Variants in CPSF1 observed in about 807,000 individuals in gnomAD.
CPSF1 encodes the protein cleavage and polyadenylation specificity factor subunit 1.
CPSF1 carries 106 observed loss-of-function variants against 175.8 expected under a neutral mutation model. The observed-to-expected ratio is 0.60, with a 90% CI of 0.52 to 0.71. The LOEUF (loss-of-function observed/expected upper bound fraction) is 0.71. Ranked by LOEUF, CPSF1 falls within the 30% of genes least tolerant of loss-of-function variation. The pLI, the probability that CPSF1 is intolerant of heterozygous loss-of-function variation, is 0.00. For synonymous variants in CPSF1, 1,024 were observed against 858.3 expected (o/e 1.19, Z -3.37); for missense variants, 1,734 against 2,022.9 (o/e 0.86, Z 2.74).
chr8:144,400,135 G>GGGGGCCGCCCCCCCCCCCCCCCAC, intron 9 of CPSF1, 31 bp downstream of exon 9: 1 of 896,012 alleles, frequency 1.1e-6, no homozygotes, highest in Non-Finnish European at 1.6e-6. Flanking sequence ...CCGTCCCCGG[G>GGGGGCCGCCCCCCCCCCCCCCCAC]CCCCCCCCGC....
At chr8:144,393,625 GGGGT>G (rs1820484004) in intron 36 of CPSF1, 35 bp from the exon 37 acceptor site, 2 of 1,588,268 alleles carry the variant, frequency 1.3e-6, no homozygotes, top group African/African-American at 1.3e-5. Context: ...AGGGCAGGCT[GGGGT>G]GGAGGGGGTG....
chr8:144,399,229 C>T lies in CPSF1; in HGVS notation c.1393-27G>A, dbSNP rs2116860619. 19 of 1,611,458 alleles carry T rather than the reference C, an allele frequency of 1.2e-5. No individual in the cohort carries two copies. In the East Asian group the frequency reaches 1.8e-4, roughly 15 times the overall value. On this transcript the variant is annotated intron_variant, in intron 14 of 37. Coordinates refer to ENST00000616140, the MANE Select transcript of CPSF1 (RefSeq NM_013291.3). This position sits in a 1 kb window ranked among gnomAD's most constrained non-coding sequence, Gnocchi z 6.4. ...TGCGGCACAGCAAGAGTCAGGGGCC[C>T]GCTGGGGGCGCTGGCTGGGACGGGG...
Position 144,397,616 on chromosome 8 carries a change from G to A in CPSF1, c.2256C>T (p.Gly752=). 1.3e-6 allele frequency: 2 copies of A among 1,534,540 alleles called. No individual in the cohort carries two copies. Among genetic ancestry groups the A allele is most frequent in the Non-Finnish European group, 1.8e-6 (2 of 1,136,812 alleles). Residue 752 remains glycine (G), a synonymous_variant, in exon 22 of 38, where the codon GGC becomes GGT. Coordinates refer to ENST00000616140, the MANE Select transcript of CPSF1 (RefSeq NM_013291.3). The part of the protein sequence containing the change: ...DEEEMLYGDS[G]SLFSPSKEEA... ...CCTCCTTGCTGGGGCTGAAGAGGGA[G>A]CCCGAATCCCCATACAGCATCTCCT...
chr8:144,400,064 A>T lies in CPSF1; in HGVS notation c.959T>A (p.Ile320Asn), dbSNP rs1251236382. Reference protein sequence around the residue: ...FPLRTQEGVRITLDCAQATFI... With the variant: ...FPLRTQEGVRNTLDCAQATFI... ...GGTGGCCTGGGCGCAGTCCAGGGTG[A>T]TCCGCACACCCTCCTGGGTGCCTGT... The change falls in exon 10 of 38, where the codon ATC (isoleucine) becomes AAC (asparagine). Residue 320 changes from isoleucine to asparagine, a missense_variant. Transcript: ENST00000616140. 60 of 1,604,520 alleles carry T rather than the reference A, an allele frequency of 3.7e-5. No individual in the cohort carries two copies. The highest frequency in any genetic ancestry group is 5.0e-5 in the Non-Finnish European group (59 of 1,178,478).
rs2116866303 is a variant in CPSF1 at position 144,399,795 on chromosome 8, C to T, written c.1105G>A (p.Val369Ile). The change falls in exon 11 of 38, where the codon GTC becomes ATC. Residue 369 changes from valine (V) to isoleucine (I), a missense_variant. Transcript: ENST00000616140. The surrounding 1 kb of genome is among the most constrained non-coding windows in gnomAD (Gnocchi z 6.4). ...AFHFDKAAAS[V>I]LTTSMVTMEP... The stretch of plus-strand genomic sequence containing the variant: ...TCCCAACTCACGCTGGTGGTGAGGA[C>T]GCTGGCGGCCGCCTTGTCAAAGTGG... 1.9e-5 allele frequency: 30 copies of T among 1,564,940 alleles called. No homozygotes were observed. Among genetic ancestry groups the T allele is most frequent in the Non-Finnish European group, 2.1e-5 (24 of 1,155,352 alleles).
chr8:144,401,131 C>A, intron 5 of CPSF1, 56 bp from the exon 6 acceptor site: 1 of 1,451,456 alleles, frequency 6.9e-7, no homozygotes. Context: ...GAGGGAAACA[C>A]TTGGGGCCAC....
At chr8:144,408,813 A>G (rs1254445899) in intron 2 of CPSF1, among the ~76,000 whole-genome samples, 1 of 152,152 alleles carries the variant, frequency 6.6e-6, no homozygotes, top group Non-Finnish European at 1.5e-5. Context: ...CCGGTGGGGT[A>G]GGAAGGGAGG....
intron 2 of CPSF1, among the ~76,000 whole-genome samples, chr8:144,403,674 T>C (rs1821343373): frequency 6.7e-6 from 1 of 149,432 alleles, no homozygotes; most frequent in Non-Finnish European, 1.5e-5. Flanking sequence ...TGCCTCAGCC[T>C]CCCAAGTAGC....
chr8:144,400,602 A>C, intron 7 of CPSF1, 69 bp downstream of exon 7: 2 of 1,596,410 alleles, frequency 1.3e-6, no homozygotes, highest in Non-Finnish European at 1.7e-6. Flanking sequence ...CCTAAACCCC[A>C]TGGGCCCCAC....
At position 144,393,371 on chromosome 8, in the gene CPSF1, G is replaced by A. The variant is rs1165562642; in HGVS notation, c.4285-6C>T. 18 of 1,451,008 alleles carry A rather than the reference G, an allele frequency of 1.2e-5. No individual in the cohort carries two copies. The highest frequency in any genetic ancestry group is 1.7e-5 in the Non-Finnish European group (18 of 1,080,968). 89.9% of individuals were successfully genotyped at this position (1,451,008 alleles called of 1,614,324 possible). On this transcript the variant is annotated splice_region_variant and splice_polypyrimidine_tract_variant and intron_variant, in intron 37 of 37. Coordinates refer to ENST00000616140, the MANE Select transcript of CPSF1 (RefSeq NM_013291.3). ...TCCAGCAAGTCGTCCAGGATCTGCA[G>A]GGGATGGAAGGGTGGGTGGGTGGGT...
chr8:144,395,940 G>A (rs903127795), intron 26 of CPSF1: 3 of 397,984 alleles, frequency 7.5e-6, no homozygotes, highest in African/African-American at 6.0e-5. Context: ...CCGCATCCCA[G>A]GCAGGGTCTC....
chr8:144,397,122 G>C (rs1204113340), intron 23 of CPSF1, 85 bp downstream of exon 23: 10 of 1,276,112 alleles, frequency 7.8e-6, no homozygotes, highest in Middle Eastern at 2.7e-4. Flanking sequence ...AGATGGGGTG[G>C]AGCCACGGGA....
At chr8:144,400,559 CG>C in intron 7 of CPSF1, 66 bp from the exon 8 acceptor site, 1 of 1,607,458 alleles carries the variant, frequency 6.2e-7, no homozygotes, top group South Asian at 1.1e-5. Context: ...CAGCTCCTCC[CG>C]AGCAAGCCCC....
Position 144,399,397 on chromosome 8 carries a change from G to A in CPSF1, c.1295-24C>T. Reference sequence around the variant, plus strand: ...AGCTGCACACAGAGAGCCCACTTGAGCGCAGCCCTGGGTCACCTGGCCCCG... The same window carrying A: ...AGCTGCACACAGAGAGCCCACTTGAACGCAGCCCTGGGTCACCTGGCCCCG... On this transcript the variant is annotated intron_variant, in intron 13 of 37. Transcript: ENST00000616140. This position sits in a 1 kb window ranked among gnomAD's most constrained non-coding sequence, Gnocchi z 6.4. 6.2e-7 allele frequency: 1 copy of A among 1,612,840 alleles called. No homozygotes were observed. The highest frequency in any genetic ancestry group is 8.5e-7 in the Non-Finnish European group (1 of 1,179,944).
intron 18 of CPSF1, 27 bp from the exon 19 acceptor site, chr8:144,398,470 G>A (rs2116850145): frequency 3.7e-6 from 6 of 1,612,554 alleles, no homozygotes; most frequent in East Asian, 2.2e-5. Context: ...TGAGGGAGGC[G>A]CCCCCCGCAG....
In CPSF1 at chr8:144,408,870, C is replaced by T; in HGVS notation, c.144+145G>A. On this transcript the variant is annotated intron_variant, in intron 2 of 37. Transcript: ENST00000616140. ...AGAAAGGATCTGAGCACAAGAGATT[C>T]AGGGTCATGTCCTGGCTCCTCAGGC... 4.2e-6 allele frequency: 4 copies of T among 951,666 alleles called. No individual in the cohort carries two copies. The South Asian group carries it at 4.9e-5, about 12-fold the overall frequency. The allele number at this position is 951,666 out of a possible 1,614,324, so 59.0% of individuals were successfully genotyped here. A position where few individuals can be genotyped will look rare whatever the true frequency, so the allele number is the denominator to read the frequency against.
In CPSF1 at chr8:144,398,579, G is replaced by A. The variant is rs2116852611; in HGVS notation, c.1698C>T (p.Asp566=). ...GGAATCCGTGTCTGCGGCCGTCGTCGTCTGCTTCAGGGGTGGTGCTGGGTT... is the reference window on the plus strand; with the variant it reads ...GGAATCCGTGTCTGCGGCCGTCGTCATCTGCTTCAGGGGTGGTGCTGGGTT... ...EQEPSTTPEA[D]DDGRRHGFLI... The change falls in exon 18 of 38, where the codon GAC becomes GAT. Residue 566 remains aspartate (D), a synonymous_variant. Coordinates refer to ENST00000616140, the MANE Select transcript of CPSF1 (RefSeq NM_013291.3). 28 of 1,613,766 alleles carry A rather than the reference G, an allele frequency of 1.7e-5. No homozygotes were observed. The highest frequency in any genetic ancestry group is 3.3e-5 in the Admixed American group (2 of 59,992).
intron 22 of CPSF1, 30 bp downstream of exon 22, chr8:144,397,457 C>T (rs200366710): frequency 4.3e-5 from 68 of 1,589,188 alleles, no homozygotes; most frequent in Middle Eastern, 3.3e-4. Flanking sequence ...GGGTGGAACC[C>T]GCTGGGCCAC....
At position 144,405,053 on chromosome 8, in the gene CPSF1, AAGAG is replaced by A. The variant is rs1265391407; in HGVS notation, c.145-3384_145-3381del. ...GAGCGAGACTCCGTCTAAAAAAAAA[AAGAG>A]AAAGAAAGAAAGAAAAAAAAACCTT... is the stretch of plus-strand genomic sequence containing the variant. On this transcript the variant is annotated intron_variant, in intron 2 of 37. Coordinates refer to ENST00000616140, the MANE Select transcript of CPSF1 (RefSeq NM_013291.3). 1.7e-4 allele frequency among the ~76,000 whole-genome samples: 13 copies of A among 74,300 alleles called. No individual in the cohort carries two copies. The Admixed American group carries it at 2.1e-3, about 12-fold the overall frequency. 48.7% of individuals were successfully genotyped at this position (74,300 alleles called of 152,430 possible).
Sources: gnomAD v4.1 joint callset for allele counts (sites outside exome capture counted in the v4.1 genomes callset) on GRCh38, gnomAD v4.1.1 for gene constraint, Gnocchi (gnomAD v3.1) non-coding constraint, MANE v1.5 for transcripts, NCBI Gene and HGNC (gene_info 2026-07-23, HGNC 2026-07-21) for gene names.